The following PRAMEF15 variants were observed in gnomAD, a reference collection of about 807,000 sequenced individuals.
PRAMEF15 encodes PRAME family member 9/15.
Under a neutral mutation model 35.3 loss-of-function variants are expected in PRAMEF15, and 21 were observed. The observed-to-expected ratio is 0.59, with a 90% CI of 0.42 to 0.86. PRAMEF15 has a LOEUF of 0.86. PRAMEF15 is among the 40% of genes least tolerant of loss of function. The pLI is 0.00. For missense variants in PRAMEF15, 360 were observed against 574.1 expected, an observed-to-expected ratio of 0.63 and a Z score of 3.81; for synonymous variants, 122 against 223.3, an observed-to-expected ratio of 0.55 and a Z score of 4.05.
At chr1:13,321,412 A>G (rs1347434504) in intron 3 of PRAMEF15, among the ~76,000 whole-genome samples, 2,958 of 143,532 alleles carry the variant, frequency 0.021, 6 homozygotes, top group East Asian at 0.11. Context: ...AGGAGGTTTT[A>G]CCATGTTCAG....
Position 13,320,669 on chromosome 1 carries a change from C to G in PRAMEF15, c.875+716C>G, listed in dbSNP as rs1239498194. 2.2e-3 allele frequency among the ~76,000 whole-genome samples: 330 copies of G among 152,126 alleles called. 3 individuals are homozygous for G. Among genetic ancestry groups the G allele is most frequent in the Middle Eastern group, 0.017 (5 of 292 alleles). ...CAACTCCTGACTTCAGGTGATCCACCCACCATGGACTCCCAAAGTGCTGGG... is the reference window on the plus strand; with the variant it reads ...CAACTCCTGACTTCAGGTGATCCACGCACCATGGACTCCCAAAGTGCTGGG... On this transcript the variant is annotated intron_variant, in intron 3 of 3. Coordinates refer to ENST00000376152, the MANE Select transcript of PRAMEF15 (RefSeq NM_001098376.3).
intron 3 of PRAMEF15, among the ~76,000 whole-genome samples, chr1:13,321,498 A>T (rs1454371132): frequency 2.0e-5 from 3 of 151,786 alleles, no homozygotes; most frequent in African/African-American, 7.3e-5. Context: ...TACAGGTGTG[A>T]GTTACTGGGC....
intron 1 of PRAMEF15, among the ~76,000 whole-genome samples, chr1:13,316,031 A>C (rs1639998302): frequency 1.3e-5 from 2 of 150,620 alleles, no homozygotes; most frequent in Admixed American, 1.3e-4. Flanking sequence ...ATGGAGTCTC[A>C]CTGTGTTGCC....
At chr1:13,317,412 A>G (rs2100315745) in intron 1 of PRAMEF15, among the ~76,000 whole-genome samples, 1 of 151,940 alleles carries the variant, frequency 6.6e-6, no homozygotes, top group Non-Finnish European at 1.5e-5. Flanking sequence ...GTGCATTGGA[A>G]ACATCTATCT....
intron 1 of PRAMEF15, 98 bp from the exon 2 acceptor site, chr1:13,318,294 A>T: frequency 1.3e-6 from 2 of 1,590,470 alleles, no homozygotes; most frequent in South Asian, 2.3e-5. Flanking sequence ...GGACTCTTTC[A>T]CCATTGCCAG....
In PRAMEF15 at chr1:13,319,692, A is replaced by G. The variant is rs1345568719; in HGVS notation, c.614A>G (p.Asn205Ser). 6.3e-7 allele frequency: 1 copy of G among 1,592,208 alleles called. No individual in the cohort carries two copies. Among genetic ancestry groups the G allele is most frequent in the Non-Finnish European group, 8.5e-7 (1 of 1,170,874 alleles). Residue 205 changes from asparagine (N) to serine (S), a missense_variant, in exon 3 of 4, where the codon AAC becomes AGC. Transcript: ENST00000376152. ...ATCAGAAGCATCCTGAAAATGGTGAACCTAGACTGTATCCAGGAGGTGGAA... is the reference window on the plus strand; with the variant it reads ...ATCAGAAGCATCCTGAAAATGGTGAGCCTAGACTGTATCCAGGAGGTGGAA... ...RNIRSILKMVNLDCIQEVEVN... is the reference protein window; with the variant it reads ...RNIRSILKMVSLDCIQEVEVN...
At chr1:13,316,498 C>G (rs1373198162) in intron 1 of PRAMEF15, among the ~76,000 whole-genome samples, 7 of 151,756 alleles carry the variant, frequency 4.6e-5, no homozygotes, top group African/African-American at 1.5e-4. Flanking sequence ...CTCTTCCACC[C>G]AAATGGAGAC....
Position 13,317,062 on chromosome 1 carries a change from C to G in PRAMEF15, c.-16-1330C>G, listed in dbSNP as rs1357649394. ...ATTAACTGGGTAGAGATTAAGAAGT[C>G]TAGTCAAATGTAGCTCTCTCTGTCT... On this transcript the variant is annotated intron_variant, in intron 1 of 3. Coordinates refer to ENST00000376152, the MANE Select transcript of PRAMEF15 (RefSeq NM_001098376.3). 2.6e-5 allele frequency among the ~76,000 whole-genome samples: 4 copies of G among 151,282 alleles called. No homozygotes were observed. The East Asian group carries it at 8.0e-4, about 30-fold the overall frequency.
At position 13,321,892 on chromosome 1, in the gene PRAMEF15, G is replaced by T; in HGVS notation, c.1065G>T (p.Glu355Asp). ...TAGAAAAAGTTGCAGCCACCCTTGA[G>T]TACCTGGATTTAGATGACTGTGGCA... ...ILLEKVAATLEYLDLDDCGII... is the reference protein window; with the variant it reads ...ILLEKVAATLDYLDLDDCGII... The change falls in exon 4 of 4, where the codon GAG (glutamate) becomes GAT (aspartate). Residue 355 changes from glutamate to aspartate, a missense_variant. Glu to Asp is a conservative substitution (Grantham distance 45). Coordinates refer to ENST00000376152, the MANE Select transcript of PRAMEF15 (RefSeq NM_001098376.3). The T allele has an allele frequency of 4.3e-6, 7 of 1,611,238 alleles. 1 individual carries two copies. The highest frequency in any genetic ancestry group is 5.9e-6 in the Non-Finnish European group (7 of 1,179,366).
chr1:13,321,721 A>T lies in PRAMEF15; in HGVS notation c.894A>T (p.Leu298Phe). ...DQLLSCLKTSLKVLTITNCVL... is the reference protein window; with the variant it reads ...DQLLSCLKTSFKVLTITNCVL... ...TCCCCAGCTGTCTGAAGACCTCGTTAAAAGTCCTCACAATAACTAACTGTG... is the reference window on the plus strand; with the variant it reads ...TCCCCAGCTGTCTGAAGACCTCGTTTAAAGTCCTCACAATAACTAACTGTG... Residue 298 changes from leucine to phenylalanine, a missense_variant, in exon 4 of 4, where the codon TTA becomes TTT. Leu to Phe is a conservative substitution (Grantham distance 22). This residue lies in a region of PRAMEF15 where 72 missense variants were observed against 79.9 expected (regional missense o/e 0.90). Coordinates refer to ENST00000376152, the MANE Select transcript of PRAMEF15 (RefSeq NM_001098376.3). 6.2e-7 allele frequency: 1 copy of T among 1,607,912 alleles called. No individual in the cohort carries two copies. The highest frequency in any genetic ancestry group is 8.5e-7 in the Non-Finnish European group (1 of 1,177,278).
intron 1 of PRAMEF15, among the ~76,000 whole-genome samples, chr1:13,315,990 C>G (rs1423611615): frequency 6.6e-6 from 1 of 151,010 alleles, no homozygotes; most frequent in East Asian, 1.9e-4. Context: ...CAAAAACCCT[C>G]CTCTGCACAA....
chr1:13,320,699 T>C (rs1259972021), intron 3 of PRAMEF15, among the ~76,000 whole-genome samples: 1 of 152,100 alleles, frequency 6.6e-6, no homozygotes. Flanking sequence ...GCTGGGATTA[T>C]AGGCGAGAGC....
intron 1 of PRAMEF15, among the ~76,000 whole-genome samples, chr1:13,317,910 G>A (rs1640027766): frequency 1.3e-5 from 2 of 151,174 alleles, no homozygotes; most frequent in African/African-American, 2.4e-5. Context: ...AAGAAGGAAA[G>A]AAGAAAGAGA....
intron 1 of PRAMEF15, among the ~76,000 whole-genome samples, chr1:13,318,127 C>T (rs1185705209): frequency 6.6e-6 from 1 of 151,972 alleles, no homozygotes; most frequent in South Asian, 2.1e-4. Flanking sequence ...TCAGGTTCCT[C>T]CATACTCACT....
In PRAMEF15 at chr1:13,322,049, A is replaced by T; in HGVS notation, c.1222A>T (p.Lys408Ter). Residue 408 changes from lysine (K) to a stop codon, truncating the protein, a stop_gained, in exon 4 of 4, where the codon AAA becomes TAA. Transcript: ENST00000376152. LOFTEE classifies it high-confidence loss of function. Reference sequence around the variant, plus strand: ...CCTGCTGAGCCACACAATCATACTCAAAAACTTATGTGTGGAGCTGTATCC... The same window carrying T: ...CCTGCTGAGCCACACAATCATACTCTAAAACTTATGTGTGGAGCTGTATCC... The part of the protein sequence containing the change: ...ENLLSHTIIL[K>*]NLCVELYPAP... 6.2e-7 allele frequency: 1 copy of T among 1,610,126 alleles called. No homozygotes were observed. Among genetic ancestry groups the T allele is most frequent in the Non-Finnish European group, 8.5e-7 (1 of 1,179,132 alleles).
rs1409839739 is a variant in PRAMEF15 at position 13,319,194 on chromosome 1, A to G, written c.294-178A>G. Among the ~76,000 whole-genome samples the G allele has an allele frequency of 3.3e-5, 4 of 122,842 alleles. 1 individual carries two copies. Among genetic ancestry groups the G allele is most frequent in the African/African-American group, 3.0e-5 (1 of 33,428 alleles). The allele number at this position is 122,842 out of a possible 152,430, so 80.6% of individuals were successfully genotyped here. On this transcript the variant is annotated intron_variant, in intron 2 of 3. Transcript: ENST00000376152. ...GGGCGACACAGGGAGACTTGGTCTCAAAAAAAAAAAAAAACAAAACAATGT... is the reference window on the plus strand; with the variant it reads ...GGGCGACACAGGGAGACTTGGTCTCGAAAAAAAAAAAAAACAAAACAATGT...
intron 2 of PRAMEF15, 24 bp from the exon 3 acceptor site, chr1:13,319,348 A>C (rs1640049780): frequency 6.2e-7 from 1 of 1,608,426 alleles, no homozygotes; most frequent in Non-Finnish European, 8.5e-7. Flanking sequence ...TTAAATTCTC[A>C]GTCTCACCTC....
chr1:13,320,704 G>C (rs1425199657), intron 3 of PRAMEF15, among the ~76,000 whole-genome samples: 13 of 152,066 alleles, frequency 8.5e-5, no homozygotes, highest in Admixed American at 8.5e-4. Context: ...GATTATAGGC[G>C]AGAGCTACCA....
intron 1 of PRAMEF15, 75 bp from the exon 2 acceptor site, chr1:13,318,317 G>C (rs1640032941): frequency 1.3e-6 from 2 of 1,589,910 alleles, no homozygotes; most frequent in African/African-American, 2.7e-5. Flanking sequence ...CAGTGAGTTT[G>C]GCCATAGGAG....
Sources: gnomAD v4.1 joint callset for allele counts (sites outside exome capture counted in the v4.1 genomes callset) on GRCh38, gnomAD v4.1.1 for gene constraint, gnomAD v4.1.1 regional missense constraint, MANE v1.5 for transcripts, NCBI Gene and HGNC (gene_info 2026-07-23, HGNC 2026-07-21) for gene names.